PCDHA1: variants seen among roughly 807,000 people sequenced by gnomAD.
PCDHA1 encodes the protein protocadherin alpha 1, also known as protocadherin alpha-1.
In PCDHA1, 42 loss-of-function variants were observed where a neutral mutation model predicts 61.3. The ratio of observed to expected loss-of-function variants is 0.69; its 90% CI spans 0.54 to 0.89. The LOEUF is 0.89. PCDHA1 is among the 40% of genes least tolerant of loss of function. PCDHA1 has a pLI of 0.00. For missense variants in PCDHA1, 1,256 were observed against 1,235.3 expected (o/e 1.02, Z -0.25); for synonymous variants, 610 against 553.8 (o/e 1.10, Z -1.43).
intron 1 of PCDHA1, chr5:140,850,847 G>A: frequency 6.3e-7 from 1 of 1,596,668 alleles, no homozygotes; most frequent in South Asian, 1.1e-5. Context: ...GATCTACAGA[G>A]CGAACGGGAG....
chr5:140,881,383 G>T (rs2058695337), intron 1 of PCDHA1: 1 of 984,212 alleles, frequency 1.0e-6, no homozygotes, highest in Non-Finnish European at 1.2e-6. Context: ...AGCCGGCGGC[G>T]GTAAGTTAAA....
chr5:140,842,395 T>C, intron 1 of PCDHA1: 1 of 1,611,538 alleles, frequency 6.2e-7, no homozygotes, highest in Non-Finnish European at 8.5e-7. Flanking sequence ...TATCCTTGCC[T>C]GTACGTGAAG....
intron 1 of PCDHA1, among the ~76,000 whole-genome samples, chr5:140,903,298 A>G (rs1218115864): frequency 6.6e-6 from 1 of 152,170 alleles, no homozygotes; most frequent in Non-Finnish European, 1.5e-5. Context: ...TAGGAAATTT[A>G]GTATACAATA....
At chr5:140,928,696 C>A in intron 1 of PCDHA1, 2 of 1,614,146 alleles carry the variant, frequency 1.2e-6, no homozygotes, top group South Asian at 2.2e-5. Flanking sequence ...CCACATCTCC[C>A]GGGCGTCTGA....
In PCDHA1 at chr5:140,870,787, C is replaced by T. The variant is rs782200395; in HGVS notation, c.2394+82103C>T. On this transcript the variant is annotated intron_variant, in intron 1 of 3. Transcript: ENST00000504120. ...CGTGCTGGACGAGAACGACAACGCG[C>T]CGGCACTGCTGGCGACTCAGGCTGG... 6.2e-7 allele frequency: 1 copy of T among 1,613,638 alleles called. No homozygotes were observed. Among genetic ancestry groups the T allele is most frequent in the Admixed American group, 1.7e-5 (1 of 60,028 alleles).
intron 1 of PCDHA1, among the ~76,000 whole-genome samples, chr5:140,969,689 G>C (rs2096353737): frequency 6.6e-6 from 1 of 152,136 alleles, no homozygotes; most frequent in Admixed American, 6.5e-5. Context: ...AGGAGAAATG[G>C]CCTCTGCTGT....
At chr5:140,830,213 T>C in intron 1 of PCDHA1, 1 of 1,613,804 alleles carries the variant, frequency 6.2e-7, no homozygotes, top group Non-Finnish European at 8.5e-7. Flanking sequence ...CTGCGCGGTA[T>C]CCAGCCTGCT....
chr5:140,961,622 A>G (rs2095624628), intron 1 of PCDHA1, among the ~76,000 whole-genome samples: 1 of 152,218 alleles, frequency 6.6e-6, no homozygotes, highest in Non-Finnish European at 1.5e-5. Flanking sequence ...AAGTGCCCAT[A>G]TGAAAAACAA....
chr5:140,987,078 G>T (rs1158243032), intron 3 of PCDHA1, among the ~76,000 whole-genome samples: 4 of 152,026 alleles, frequency 2.6e-5, no homozygotes, highest in Non-Finnish European at 5.9e-5. Context: ...GCTGGGCGTG[G>T]TGGCAGGTGC....
At chr5:140,925,124 A>AGGAAGGAAGGAAGG (rs1554202565) in intron 1 of PCDHA1, among the ~76,000 whole-genome samples, 2 of 151,856 alleles carry the variant, frequency 1.3e-5, no homozygotes, top group African/African-American at 2.4e-5. Context: ...GAAGGAAGGA[A>AGGAAGGAAGGAAGG]AAAAAATTTC....
At chr5:141,009,577 C>T in intron 3 of PCDHA1, 50 bp from the exon 4 acceptor site, 1 of 1,584,324 alleles carries the variant, frequency 6.3e-7, no homozygotes, top group South Asian at 1.2e-5. Flanking sequence ...AGTGTGGCAT[C>T]AAGAGCATGT....
chr5:140,941,191 T>TTTTTCTTTC lies in PCDHA1; in HGVS notation c.2395-37755_2395-37754insTCTTTCTTT, dbSNP rs1554213809. 3.1e-4 allele frequency among the ~76,000 whole-genome samples: 29 copies of TTTTTCTTTC among 93,252 alleles called. No homozygotes were observed. The East Asian group carries it at 6.1e-3, about 20-fold the overall frequency. 61.2% of individuals were successfully genotyped at this position (93,252 alleles called of 152,430 possible). On this transcript the variant is annotated intron_variant, in intron 1 of 3. Transcript: ENST00000504120. ...CATCTTGAACATCCTGCTTCTTTTT[T>TTTTTCTTTC]TTTCTTTCTTCCTTTCTTTCTTCCT...
At chr5:140,794,172 T>C (rs1554119069) in intron 1 of PCDHA1, among the ~76,000 whole-genome samples, 1 of 152,236 alleles carries the variant, frequency 6.6e-6, no homozygotes, top group African/African-American at 2.4e-5. Flanking sequence ...TATGTTGGAC[T>C]ATTATTCAGC....
chr5:140,977,345 T>C lies in PCDHA1; in HGVS notation c.2395-1604T>C, dbSNP rs139865600. Among the ~76,000 whole-genome samples, 25 of 152,342 alleles carry C rather than the reference T, an allele frequency of 1.6e-4. No homozygotes were observed. In the East Asian group the frequency reaches 4.8e-3, roughly 29 times the overall value. ...ATGGCGAGGGGAGAGACGGTGATGATGACTGATTGATAAAAAGTATTTTAG... is the reference window on the plus strand; with the variant it reads ...ATGGCGAGGGGAGAGACGGTGATGACGACTGATTGATAAAAAGTATTTTAG... On this transcript the variant is annotated intron_variant, in intron 1 of 3. Transcript: ENST00000504120.
At chr5:140,834,986 C>G (rs2150229667) in intron 1 of PCDHA1, 1 of 1,457,962 alleles carries the variant, frequency 6.9e-7, no homozygotes, top group Admixed American at 2.1e-5. Flanking sequence ...AACTTTTAGA[C>G]AGAGAAGAAA....
rs1222255074 is a variant in PCDHA1 at position 141,012,119 on chromosome 5, A to G, written c.*2182A>G. ...CATTTTGCCCCACTGAAGCCCATGT[A>G]TCTGACCTTACGTGCCTTTTGAACT... On this transcript the variant is annotated 3_prime_UTR_variant, in exon 4 of 4. Coordinates refer to ENST00000504120, the MANE Select transcript of PCDHA1 (RefSeq NM_018900.4). 6.5e-6 allele frequency: 1 copy of G among 153,734 alleles called. No individual in the cohort carries two copies. Among genetic ancestry groups the G allele is most frequent in the African/African-American group, 2.4e-5 (1 of 41,454 alleles). 9.5% of individuals were successfully genotyped at this position (153,734 alleles called of 1,614,324 possible). A position where few individuals can be genotyped will look rare whatever the true frequency, so the allele number is the denominator to read the frequency against.
intron 1 of PCDHA1, among the ~76,000 whole-genome samples, chr5:140,894,631 A>G (rs1413513485): frequency 6.6e-6 from 1 of 151,582 alleles, no homozygotes; most frequent in Non-Finnish European, 1.5e-5. Flanking sequence ...TTCTCCAATC[A>G]TATCATTACT....
In PCDHA1 at chr5:141,009,718, A is replaced by G. The variant is rs2098413942; in HGVS notation, c.2634A>G (p.Gln878=). Residue 878 remains glutamine, a synonymous_variant, in exon 4 of 4, where the codon CAA becomes CAG. Transcript: ENST00000504120. ...TFKYGPGNPK[Q]SGPGELPDKF... ...AATACGGACCAGGCAACCCCAAACA[A>G]TCCGGTCCCGGTGAGTTGCCCGACA... The G allele has an allele frequency of 1.2e-6, 2 of 1,614,044 alleles. No homozygotes were observed. The highest frequency in any genetic ancestry group is 1.1e-5 in the South Asian group (1 of 91,052).
chr5:140,948,558 G>A (rs2094272533), intron 1 of PCDHA1, among the ~76,000 whole-genome samples: 2 of 151,514 alleles, frequency 1.3e-5, no homozygotes, highest in Admixed American at 1.3e-4. Flanking sequence ...ATTTTGTTAA[G>A]TTGTATTTTT....
Sources: gnomAD v4.1 joint callset for allele counts (sites outside exome capture counted in the v4.1 genomes callset) on GRCh38, gnomAD v4.1.1 for gene constraint, MANE v1.5 for transcripts, NCBI Gene and HGNC (gene_info 2026-07-23, HGNC 2026-07-21) for gene names.